The following PHTF2 variants were observed in gnomAD, a reference collection of about 807,000 sequenced individuals.
PHTF2 encodes protein PHTF2.
In PHTF2, 60 loss-of-function variants were observed where a neutral mutation model predicts 101.2. The ratio of observed to expected loss-of-function variants is 0.59; its 90% confidence interval spans 0.48 to 0.73. The LOEUF is 0.73. Among genes scored for constraint, PHTF2 ranks in the 30% least tolerant of loss-of-function variants. PHTF2 has a pLI of 0.00. For missense variants in PHTF2, 747 were observed against 908.7 expected, an observed-to-expected ratio of 0.82 and a Z score of 2.29; for synonymous variants, 311 against 307.3, an observed-to-expected ratio of 1.01 and a Z score of -0.13.
At chr7:77,914,641 G>T (rs1802734294) in intron 9 of PHTF2, among the ~76,000 whole-genome samples, 1 of 152,090 alleles carries the variant, frequency 6.6e-6, no homozygotes, top group African/African-American at 2.4e-5. Context: ...ATCATGGAAT[G>T]ATAGAGTCAG....
chr7:77,843,553 C>T (rs555668511), intron 2 of PHTF2, among the ~76,000 whole-genome samples: 1 of 152,286 alleles, frequency 6.6e-6, no homozygotes, highest in East Asian at 1.9e-4. Context: ...CTGTTTTTCT[C>T]TTAAATATAT....
intron 1 of PHTF2, among the ~76,000 whole-genome samples, chr7:77,822,735 G>GTGCA (rs1179502094): frequency 6.6e-6 from 1 of 151,960 alleles, no homozygotes; most frequent in African/African-American, 2.4e-5. Context: ...ATCTCATCAC[G>GTGCA]TGCATCTCCA....
chr7:77,835,644 G>T (rs1047124800), intron 1 of PHTF2, among the ~76,000 whole-genome samples: 17 of 152,152 alleles, frequency 1.1e-4, no homozygotes, highest in African/African-American at 3.4e-4. Flanking sequence ...ACTGACCCCT[G>T]TGCTGTGGAA....
intron 9 of PHTF2, among the ~76,000 whole-genome samples, chr7:77,918,836 TG>T (rs1803179117): frequency 6.6e-6 from 1 of 152,224 alleles, no homozygotes; most frequent in South Asian, 2.1e-4. Context: ...TCTGGAGATT[TG>T]GCTTTTCAGT....
chr7:77,906,971 T>G (rs907987245), intron 7 of PHTF2, among the ~76,000 whole-genome samples: 4 of 151,394 alleles, frequency 2.6e-5, no homozygotes, highest in African/African-American at 9.7e-5. Context: ...TCACCAATGT[T>G]AAGTATACAT....
intron 3 of PHTF2, among the ~76,000 whole-genome samples, chr7:77,871,731 G>A (rs1157611487): frequency 6.6e-6 from 1 of 152,154 alleles, no homozygotes; most frequent in Non-Finnish European, 1.5e-5. Flanking sequence ...TTCCACTGTT[G>A]TGTCAATCCA....
At chr7:77,811,964 G>T (rs1322213682) in intron 1 of PHTF2, among the ~76,000 whole-genome samples, 1 of 152,168 alleles carries the variant, frequency 6.6e-6, no homozygotes, top group South Asian at 2.1e-4. Flanking sequence ...AAATAAAAAA[G>T]TGAATATAGG....
At chr7:77,949,470 A>C (rs1806350422) in intron 16 of PHTF2, among the ~76,000 whole-genome samples, 2 of 152,174 alleles carry the variant, frequency 1.3e-5, no homozygotes, top group African/African-American at 4.8e-5. Context: ...GTTGCAAAAT[A>C]TTAAGATTTG....
At chr7:77,823,875 G>A (rs1794500970) in intron 1 of PHTF2, among the ~76,000 whole-genome samples, 1 of 152,178 alleles carries the variant, frequency 6.6e-6, no homozygotes, top group Non-Finnish European at 1.5e-5. Flanking sequence ...TTTGAATACA[G>A]TGTTGATTAA....
chr7:77,840,281 T>C, exon 2 of PHTF2: 1 of 1,608,856 alleles, frequency 6.2e-7, no homozygotes, highest in Non-Finnish European at 8.5e-7. Context: ...ACAGATGCTA[T>C]AGTCTGGTAT....
intron 1 of PHTF2, 95 bp downstream of exon 1, chr7:77,799,066 G>A (rs1792306691): frequency 6.6e-6 from 1 of 152,638 alleles, no homozygotes; most frequent in African/African-American, 2.4e-5. Context: ...AGGGAGGAGA[G>A]CGGTCGTCGG....
At chr7:77,881,782 T>A (rs896230216) in intron 3 of PHTF2, among the ~76,000 whole-genome samples, 3 of 152,192 alleles carry the variant, frequency 2.0e-5, no homozygotes, top group African/African-American at 7.2e-5. Flanking sequence ...TTCTCATGCA[T>A]CCATATCCAG....
intron 2 of PHTF2, among the ~76,000 whole-genome samples, chr7:77,842,027 A>C (rs975458791): frequency 6.6e-6 from 1 of 152,174 alleles, no homozygotes; most frequent in South Asian, 2.1e-4. Flanking sequence ...TTGAAATATT[A>C]TACTCAGATT....
intron 1 of PHTF2, among the ~76,000 whole-genome samples, chr7:77,800,094 T>G (rs1013775052): frequency 6.6e-6 from 1 of 152,212 alleles, no homozygotes; most frequent in African/African-American, 2.4e-5. Context: ...AAACTGGGCT[T>G]TTTTCACCAT....
intron 16 of PHTF2, among the ~76,000 whole-genome samples, chr7:77,943,332 T>C (rs192798070): frequency 7.9e-5 from 12 of 152,298 alleles, no homozygotes; most frequent in African/African-American, 2.9e-4. Context: ...TTTCACCGTG[T>C]TAGCCAGGAT....
intron 5 of PHTF2, among the ~76,000 whole-genome samples, chr7:77,897,418 A>T (rs772012162): frequency 4.7e-5 from 7 of 150,010 alleles, no homozygotes; most frequent in Non-Finnish European, 8.9e-5. Flanking sequence ...AGTTTAAATT[A>T]TATTTAATAA....
chr7:77,915,979 C>CTTTGTG (rs1802878729), intron 9 of PHTF2, among the ~76,000 whole-genome samples: 1 of 147,832 alleles, frequency 6.8e-6, no homozygotes, highest in Non-Finnish European at 1.5e-5. Flanking sequence ...ATTTGTGTGT[C>CTTTGTG]TGTGTGTGTG....
At chr7:77,888,608 A>G (rs1318761652) in intron 3 of PHTF2, among the ~76,000 whole-genome samples, 1 of 152,232 alleles carries the variant, frequency 6.6e-6, no homozygotes, top group Non-Finnish European at 1.5e-5. Context: ...AAGACATACC[A>G]TCTTATTAAA....
chr7:77,809,340 C>A lies in PHTF2; in HGVS notation c.-36+10369C>A, dbSNP rs556411461. Among the ~76,000 whole-genome samples the A allele has an allele frequency of 3.8e-4, 57 of 150,458 alleles. No individual in the cohort carries two copies. In the Middle Eastern group the frequency reaches 0.01, roughly 27 times the overall value. ...CTCCCGGCTTCAAATGATTCTCCTG[C>A]CTCAGCCTCCCAAATAGCTGGGATT... On this transcript the variant is annotated intron_variant, in intron 1 of 19. Transcript: ENST00000416283.
Sources: gnomAD v4.1 joint callset for allele counts (sites outside exome capture counted in the v4.1 genomes callset) on GRCh38, gnomAD v4.1.1 for gene constraint, MANE v1.5 for transcripts, NCBI Gene and HGNC (gene_info 2026-07-23, HGNC 2026-07-21) for gene names.